AGAP1: variants seen among roughly 807,000 people sequenced by gnomAD.
AGAP1 encodes the protein arf-GAP with GTPase, ANK repeat and PH domain-containing protein 1.
In AGAP1, 29 loss-of-function variants were observed where a neutral mutation model predicts 105.3. That is an observed-to-expected ratio of 0.28 (90% CI 0.21 to 0.38). The LOEUF is 0.38. Among genes scored for constraint, AGAP1 ranks in the 10% least tolerant of loss-of-function variants. The pLI is 1.00. For synonymous variants in AGAP1, 509 were observed against 485.9 expected (o/e 1.05, Z -0.63); for missense variants, 998 against 1,165.1 (o/e 0.86, Z 2.09).
chr2:235,506,651 C>T (rs1254774556), intron 1 of AGAP1, among the ~76,000 whole-genome samples: 1 of 152,120 alleles, frequency 6.6e-6, no homozygotes, highest in Admixed American at 6.5e-5. Context: ...AAATAGGATG[C>T]CACTGGGAAC....
At chr2:236,077,409 C>G (rs1313864827) in intron 16 of AGAP1, among the ~76,000 whole-genome samples, 1 of 151,428 alleles carries the variant, frequency 6.6e-6, no homozygotes, top group East Asian at 2.0e-4. Flanking sequence ...ACCTCCGCCT[C>G]CCATGTTCAA....
intron 1 of AGAP1, among the ~76,000 whole-genome samples, chr2:235,607,989 G>C (rs1201478042): frequency 6.6e-6 from 1 of 152,218 alleles, no homozygotes; most frequent in Non-Finnish European, 1.5e-5. Context: ...AGTGCCTCAA[G>C]TGAGCGAGTG....
In AGAP1 at chr2:236,105,950, T is replaced by A. The variant is rs2059478544; in HGVS notation, c.2115-14242T>A. On this transcript the variant is annotated intron_variant, in intron 16 of 17. Coordinates refer to ENST00000304032, the MANE Select transcript of AGAP1 (RefSeq NM_001037131.3). The surrounding 1 kb of genome is among the most constrained non-coding windows in gnomAD (Gnocchi z 4.2). ...GAATCCCATTCATGGGAGTCTACTCTCCTGACCTAATCACCTCCCAGAGGT... is the reference window on the plus strand; with the variant it reads ...GAATCCCATTCATGGGAGTCTACTCACCTGACCTAATCACCTCCCAGAGGT... 2.0e-5 allele frequency among the ~76,000 whole-genome samples: 3 copies of A among 152,124 alleles called. No individual in the cohort carries two copies. Among genetic ancestry groups the A allele is most frequent in the Admixed American group, 2.0e-4 (3 of 15,278 alleles).
rs76009004 is a variant in AGAP1 at position 235,714,847 on chromosome 2, G to A, written c.223-2710G>A. Among the ~76,000 whole-genome samples the A allele has an allele frequency of 1.4e-3, 215 of 152,288 alleles. No individual in the cohort carries two copies. The highest frequency in any genetic ancestry group is 3.4e-3 in the Middle Eastern group (1 of 294). On this transcript the variant is annotated intron_variant, in intron 2 of 17. Transcript: ENST00000304032. The surrounding 1 kb of genome is among the most constrained non-coding windows in gnomAD (Gnocchi z 4.1). ...AGAGTCTCGCTCTGTCACCCAGGCT[G>A]GAGTCCAGTGGTGTATCTCGGCTCA...
rs1957390789 is a variant in AGAP1 at position 235,799,437 on chromosome 2, A to G, written c.872A>G (p.Lys291Arg). Residue 291 changes from lysine to arginine, a missense_variant, in exon 8 of 18, where the codon AAG becomes AGG. By Grantham distance (26) the Lys-to-Arg change is conservative. This residue lies in a region of AGAP1 where 735 missense variants were observed against 833.4 expected (regional missense o/e 0.88). Coordinates refer to ENST00000304032, the MANE Select transcript of AGAP1 (RefSeq NM_001037131.3). The surrounding 1 kb of genome is among the most constrained non-coding windows in gnomAD (Gnocchi z 5.0). ...CCATCGACTCCCAGCACCAGCCAGA[A>G]GGAACTTCGGATCGATGTTCCTCCC... ...SVPSTPSTSQ[K>R]ELRIDVPPTA... 4 of 1,614,208 alleles carry G rather than the reference A, an allele frequency of 2.5e-6. No individual in the cohort carries two copies. Among genetic ancestry groups the G allele is most frequent in the Non-Finnish European group, 3.4e-6 (4 of 1,180,036 alleles).
intron 13 of AGAP1, among the ~76,000 whole-genome samples, chr2:235,969,618 A>G (rs1320007206): frequency 6.6e-6 from 1 of 152,200 alleles, no homozygotes; most frequent in Non-Finnish European, 1.5e-5. Flanking sequence ...GCGAGCTGTC[A>G]GACAGTGGCT....
rs956241737 is a variant in AGAP1 at position 235,701,425 on chromosome 2, G to A, written c.164-7754G>A. Among the ~76,000 whole-genome samples, 1 of 152,130 alleles carries A rather than the reference G, an allele frequency of 6.6e-6. No homozygotes were observed. Among genetic ancestry groups the A allele is most frequent in the Non-Finnish European group, 1.5e-5 (1 of 68,018 alleles). On this transcript the variant is annotated intron_variant, in intron 1 of 17. Transcript: ENST00000304032. This position sits in a 1 kb window ranked among gnomAD's most constrained non-coding sequence, Gnocchi z 4.1. Reference sequence around the variant, plus strand: ...GGCATGGTGGCATCTTGGTGGCCAGGTGTTCGTCACCCTGCACTGAGAGGG... The same window carrying A: ...GGCATGGTGGCATCTTGGTGGCCAGATGTTCGTCACCCTGCACTGAGAGGG...
chr2:235,516,873 T>G (rs1574741270), intron 1 of AGAP1, among the ~76,000 whole-genome samples: 1 of 152,220 alleles, frequency 6.6e-6, no homozygotes, highest in Non-Finnish European at 1.5e-5. Flanking sequence ...CTTTCTTCTT[T>G]GGTTGCCCTC....
chr2:235,812,943 A>G lies in AGAP1; in HGVS notation c.1050+5612A>G, dbSNP rs541218621. On this transcript the variant is annotated intron_variant, in intron 9 of 17. Transcript: ENST00000304032. ...AGTGAACTGCCGTGCCCTGCAAGCT[A>G]ATTGACCTCACTTGGGTGAACAACT... 3.3e-5 allele frequency among the ~76,000 whole-genome samples: 5 copies of G among 152,328 alleles called. No individual in the cohort carries two copies. In the East Asian group the frequency reaches 7.7e-4, roughly 24 times the overall value.
chr2:235,741,118 C>A lies in AGAP1; in HGVS notation c.396+70C>A. 7.5e-7 allele frequency: 1 copy of A among 1,334,058 alleles called. No homozygotes were observed. The highest frequency in any genetic ancestry group is 1.0e-6 in the Non-Finnish European group (1 of 995,306). 82.6% of individuals were successfully genotyped at this position (1,334,058 alleles called of 1,614,324 possible). A position where few individuals can be genotyped will look rare whatever the true frequency, so the allele number is the denominator to read the frequency against. On this transcript the variant is annotated intron_variant, in intron 4 of 17. Transcript: ENST00000304032. The surrounding 1 kb of genome is among the most constrained non-coding windows in gnomAD (Gnocchi z 4.9). Reference sequence around the variant, plus strand: ...TTTCTAAGGTTTGATTCAAGAAGTGCTTCTAGAAATCGGTGACTTGGTTTC... The same window carrying A: ...TTTCTAAGGTTTGATTCAAGAAGTGATTCTAGAAATCGGTGACTTGGTTTC...
At chr2:235,591,579 C>G (rs1172608399) in intron 1 of AGAP1, among the ~76,000 whole-genome samples, 1 of 152,146 alleles carries the variant, frequency 6.6e-6, no homozygotes, top group Admixed American at 6.5e-5. Flanking sequence ...CCTCTTCAGC[C>G]TGATGTCACT....
chr2:235,618,704 T>A (rs1354125697), intron 1 of AGAP1, among the ~76,000 whole-genome samples: 1 of 152,252 alleles, frequency 6.6e-6, no homozygotes, highest in East Asian at 1.9e-4. Context: ...ACTGAGCTCT[T>A]GTTATGTGGT....
chr2:235,799,297 C>A lies in AGAP1; in HGVS notation c.802-70C>A, dbSNP rs1957384696. 6.4e-7 allele frequency: 1 copy of A among 1,554,196 alleles called. No individual in the cohort carries two copies. The highest frequency in any genetic ancestry group is 8.8e-7 in the Non-Finnish European group (1 of 1,141,114). ...GCTCATGCTCACTTGTTGGTTATGACCTTGCCTAAGTGGAGGTCTTGGGTT... is the reference window on the plus strand; with the variant it reads ...GCTCATGCTCACTTGTTGGTTATGAACTTGCCTAAGTGGAGGTCTTGGGTT... On this transcript the variant is annotated intron_variant, in intron 7 of 17. Transcript: ENST00000304032. This position sits in a 1 kb window ranked among gnomAD's most constrained non-coding sequence, Gnocchi z 5.0.
chr2:235,767,252 T>C (rs1955037782), intron 6 of AGAP1, among the ~76,000 whole-genome samples: 1 of 145,670 alleles, frequency 6.9e-6, no homozygotes, highest in Non-Finnish European at 1.5e-5. Flanking sequence ...ACTTATTATT[T>C]AGCCCATCAT....
chr2:235,657,113 ACT>A (rs1217178988), intron 1 of AGAP1, among the ~76,000 whole-genome samples: 4 of 151,924 alleles, frequency 2.6e-5, no homozygotes, highest in Admixed American at 6.6e-5. Context: ...GCCATGAGGG[ACT>A]CTCTGCTTCT....
chr2:236,063,576 A>T (rs1300419724), intron 16 of AGAP1, among the ~76,000 whole-genome samples: 1 of 152,242 alleles, frequency 6.6e-6, no homozygotes, highest in African/African-American at 2.4e-5. Flanking sequence ...AAAGTTGCAC[A>T]CATTTGTGCT....
rs115338494 is a variant in AGAP1 at position 235,660,504 on chromosome 2, G to C, written c.164-48675G>C. On this transcript the variant is annotated intron_variant, in intron 1 of 17. Coordinates refer to ENST00000304032, the MANE Select transcript of AGAP1 (RefSeq NM_001037131.3). The surrounding 1 kb of genome is among the most constrained non-coding windows in gnomAD (Gnocchi z 5.3). ...ATGGAAGTGTCAGAGCAGGGTGACA[G>C]ATGCCAAGGAAGAGTGCCCAGGTGT... Among the ~76,000 whole-genome samples the C allele has an allele frequency of 1.5e-4, 23 of 152,286 alleles. No homozygotes were observed. The highest frequency in any genetic ancestry group is 5.3e-4 in the African/African-American group (22 of 41,566).
chr2:235,905,223 C>T lies in AGAP1; in HGVS notation c.1156-3515C>T, dbSNP rs1232157714. Among the ~76,000 whole-genome samples, 1 of 152,098 alleles carries T rather than the reference C, an allele frequency of 6.6e-6. No homozygotes were observed. Among genetic ancestry groups the T allele is most frequent in the Non-Finnish European group, 1.5e-5 (1 of 68,028 alleles). ...CTATCTGATTAGCCTCATTTTAGAG[C>T]CCATAAGCAATAAATGCTCAATTAC... On this transcript the variant is annotated intron_variant, in intron 10 of 17. Coordinates refer to ENST00000304032, the MANE Select transcript of AGAP1 (RefSeq NM_001037131.3). This position sits in a 1 kb window ranked among gnomAD's most constrained non-coding sequence, Gnocchi z 4.2.
chr2:235,750,339 G>C lies in AGAP1; in HGVS notation c.539-15G>C. On this transcript the variant is annotated splice_polypyrimidine_tract_variant and intron_variant, in intron 5 of 17. Transcript: ENST00000304032. This position sits in a 1 kb window ranked among gnomAD's most constrained non-coding sequence, Gnocchi z 5.3. ...CATTGTCACTGTGCCGTTACTTTTT[G>C]GTCTTCTGTTCCAGATGCCATAAGT... The C allele has an allele frequency of 6.2e-7, 1 of 1,613,724 alleles. No homozygotes were observed. The highest frequency in any genetic ancestry group is 1.1e-5 in the South Asian group (1 of 91,024).
Sources: allele counts gnomAD v4.1 joint callset (sites outside exome capture counted in the v4.1 genomes callset), GRCh38; gene constraint gnomAD v4.1.1; regional missense constraint gnomAD v4.1.1; non-coding constraint Gnocchi (gnomAD v3.1); transcripts MANE v1.5; gene names NCBI Gene and HGNC (gene_info 2026-07-23, HGNC 2026-07-21).